Variants in ROBO2 observed in about 807,000 individuals in gnomAD.
The protein encoded by ROBO2 is roundabout guidance receptor 2.
ROBO2 carries 53 observed loss-of-function variants against 160.8 expected under a neutral mutation model. The ratio of observed to expected loss-of-function variants is 0.33; its 90% CI spans 0.26 to 0.41. The LOEUF is 0.41. Among genes scored for constraint, ROBO2 ranks in the 10% least tolerant of loss-of-function variants. The pLI is 1.00. For synonymous variants in ROBO2, 664 were observed against 611.7 expected, an observed-to-expected ratio of 1.09 and a Z score of -1.26; for missense variants, 1,577 against 1,722.4, an observed-to-expected ratio of 0.92 and a Z score of 1.49.
chr3:77,147,909 C>T (rs905819721), intron 2 of ROBO2, among the ~76,000 whole-genome samples: 8 of 152,248 alleles, frequency 5.3e-5, no homozygotes, highest in African/African-American at 1.9e-4. Context: ...TATAAAGGAT[C>T]TGTTGAATTT....
At chr3:77,193,728 T>C (rs1306996581) in intron 2 of ROBO2, among the ~76,000 whole-genome samples, 1 of 152,076 alleles carries the variant, frequency 6.6e-6, no homozygotes, top group Admixed American at 6.6e-5. Flanking sequence ...ATTTGCACCA[T>C]AGGGAATTGC....
At chr3:77,423,824 C>A (rs1322686912) in intron 2 of ROBO2, among the ~76,000 whole-genome samples, 1 of 152,134 alleles carries the variant, frequency 6.6e-6, no homozygotes, top group Non-Finnish European at 1.5e-5. Context: ...CCCAGGGTAA[C>A]GTTATGACTT....
chr3:76,738,626 G>A (rs1323184801), intron 2 of ROBO2, among the ~76,000 whole-genome samples: 1 of 152,110 alleles, frequency 6.6e-6, no homozygotes, highest in Non-Finnish European at 1.5e-5. Flanking sequence ...ATTGCTCTTC[G>A]AACACGGTAA....
intron 13 of ROBO2, among the ~76,000 whole-genome samples, chr3:77,571,778 G>C (rs994508480): frequency 1.3e-5 from 2 of 151,770 alleles, no homozygotes; most frequent in African/African-American, 4.8e-5. Flanking sequence ...ATGACCACCT[G>C]TCAAAATGAG....
intron 2 of ROBO2, among the ~76,000 whole-genome samples, chr3:76,052,606 G>A (rs10511039): frequency 0.34 from 51,628 of 151,670 alleles, 9,315 homozygotes; most frequent in South Asian, 0.57. Context: ...AAGGACTTTG[G>A]CAAATATTCT....
At chr3:76,859,350 T>C (rs2070489269) in intron 2 of ROBO2, among the ~76,000 whole-genome samples, 2 of 152,204 alleles carry the variant, frequency 1.3e-5, no homozygotes, top group South Asian at 4.1e-4. Context: ...TTTAGACACA[T>C]GTAAAAGTAA....
intron 2 of ROBO2, among the ~76,000 whole-genome samples, chr3:76,353,250 G>A (rs1420826379): frequency 6.6e-6 from 1 of 151,966 alleles, no homozygotes; most frequent in Non-Finnish European, 1.5e-5. Context: ...AAGAGAATGA[G>A]CGAGAGAGTT....
chr3:75,960,182 G>A (rs532834088), intron 2 of ROBO2, among the ~76,000 whole-genome samples: 15 of 151,818 alleles, frequency 9.9e-5, no homozygotes, highest in East Asian at 5.9e-4. Context: ...TAGAAACTTC[G>A]CCCTTTAGTG....
At chr3:76,083,929 C>A (rs2068922485) in intron 2 of ROBO2, among the ~76,000 whole-genome samples, 1 of 152,076 alleles carries the variant, frequency 6.6e-6, no homozygotes. Flanking sequence ...TGAAAGCCAT[C>A]CATTGGTAAG....
chr3:76,134,145 A>G (rs546682086), intron 2 of ROBO2, among the ~76,000 whole-genome samples: 6 of 152,124 alleles, frequency 3.9e-5, no homozygotes, highest in African/African-American at 7.2e-5. Context: ...TCAGACTTCA[A>G]CTGTTTCAGA....
In ROBO2 at chr3:77,533,885, C is replaced by CT. The variant is rs11285132; in HGVS notation, c.934+10994dup. Among the ~76,000 whole-genome samples, 71 of 146,522 alleles carry CT rather than the reference C, an allele frequency of 4.8e-4. 1 individual carries two copies. The highest frequency in any genetic ancestry group is 1.5e-3 in the South Asian group (7 of 4,606). On this transcript the variant is annotated intron_variant, in intron 6 of 25. Coordinates refer to ENST00000461745, the Ensembl canonical transcript of ROBO2. Reference sequence around the variant, plus strand: ...TCAGAATGCTGCCAACTACAGTAGGCTTTTTTTTTTTCTTTCTGTCAATAC... The same window carrying CT: ...TCAGAATGCTGCCAACTACAGTAGGCTTTTTTTTTTTTCTTTCTGTCAATAC...
intron 2 of ROBO2, among the ~76,000 whole-genome samples, chr3:76,553,100 C>T (rs1468148732): frequency 6.6e-6 from 1 of 152,080 alleles, no homozygotes; most frequent in African/African-American, 2.4e-5. Context: ...ATAGTGTCAA[C>T]TCTAGACCTT....
At chr3:76,219,013 T>C (rs917798103) in intron 2 of ROBO2, among the ~76,000 whole-genome samples, 1 of 152,110 alleles carries the variant, frequency 6.6e-6, no homozygotes, top group Admixed American at 6.5e-5. Context: ...ATGCCGCATA[T>C]CTACAACTAT....
intron 2 of ROBO2, among the ~76,000 whole-genome samples, chr3:77,219,743 T>C (rs2085530761): frequency 1.3e-5 from 2 of 151,508 alleles, no homozygotes; most frequent in South Asian, 4.2e-4. Flanking sequence ...TCAAATCACA[T>C]ATGACATTCA....
intron 2 of ROBO2, among the ~76,000 whole-genome samples, chr3:76,293,644 G>T (rs1576293553): frequency 1.3e-5 from 2 of 152,186 alleles, no homozygotes; most frequent in East Asian, 3.9e-4. Flanking sequence ...GCTTTCATGG[G>T]CTGTAGGACA....
At chr3:76,480,039 G>A (rs75545077) in intron 2 of ROBO2, among the ~76,000 whole-genome samples, 1 of 56,900 alleles carries the variant, frequency 1.8e-5, no homozygotes, top group Admixed American at 2.5e-4. Context: ...AAAGGAGGAA[G>A]AAGGAGGATG....
chr3:76,354,303 C>T (rs538318999), intron 2 of ROBO2, among the ~76,000 whole-genome samples: 7 of 151,966 alleles, frequency 4.6e-5, no homozygotes, highest in Non-Finnish European at 8.8e-5. Flanking sequence ...TACATACATT[C>T]GTATAACCTT....
chr3:76,185,750 T>C (rs1283802403), intron 2 of ROBO2, among the ~76,000 whole-genome samples: 2 of 152,060 alleles, frequency 1.3e-5, no homozygotes, highest in African/African-American at 4.8e-5. Context: ...AGAAAATAAT[T>C]GTATTTAAAA....
intron 2 of ROBO2, among the ~76,000 whole-genome samples, chr3:77,349,881 G>C (rs2068110260): frequency 6.6e-6 from 1 of 151,870 alleles, no homozygotes; most frequent in African/African-American, 2.4e-5. Context: ...ATGCAGCTCT[G>C]CCTGTCTATA....
Sources: gnomAD v4.1 joint callset for allele counts (sites outside exome capture counted in the v4.1 genomes callset) on GRCh38, gnomAD v4.1.1 for gene constraint, MANE v1.5 for transcripts, NCBI Gene and HGNC (gene_info 2026-07-23, HGNC 2026-07-21) for gene names.